The following BTG4 variants were observed in gnomAD, a reference collection of about 807,000 sequenced individuals.
BTG4 encodes the protein BTG anti-proliferation factor 4.
BTG4 carries 10 observed loss-of-function variants against 19.3 expected under a neutral mutation model. The observed-to-expected ratio is 0.52, with a 90% CI of 0.32 to 0.88. The LOEUF (loss-of-function observed/expected upper bound fraction) is 0.88. Among genes scored for constraint, BTG4 ranks in the 40% least tolerant of loss-of-function variants. The probability of loss-of-function intolerance (pLI) is 0.04; values close to 1 mark genes in which losing one functional copy is unlikely to be tolerated. For missense variants in BTG4, 238 were observed against 281.9 expected (o/e 0.84, Z 1.11); for synonymous variants, 91 against 95.7 (o/e 0.95, Z 0.29).
intron 3 of BTG4, 86 bp downstream of exon 3, chr11:111,497,912 G>C (rs936622224): frequency 3.5e-6 from 5 of 1,435,550 alleles, no homozygotes; most frequent in Non-Finnish European, 3.8e-6. Context: ...AAGGCTTTGG[G>C]GCATCATCTT....
chr11:111,435,189 C>T, the BTG4 span: 1 of 152,350 alleles, frequency 6.6e-6, no homozygotes, highest in Non-Finnish European at 1.5e-5. Context: ...AGTACACTAG[C>T]ACCAGCTGGA....
chr11:111,495,392 C>T, intron 4 of BTG4, 78 bp from the exon 5 acceptor site: 1 of 1,294,256 alleles, frequency 7.7e-7, no homozygotes, highest in Non-Finnish European at 1.1e-6. Flanking sequence ...AAAAGTCAGG[C>T]ACTTCAAAAG....
At chr11:111,437,263 C>T in the BTG4 span, among the ~76,000 whole-genome samples, 1 of 152,154 alleles carries the variant, frequency 6.6e-6, no homozygotes, top group Non-Finnish European at 1.5e-5. Context: ...CCAGAAGCTT[C>T]CTGCAAAACG....
chr11:111,412,232 T>C, the BTG4 span, among the ~76,000 whole-genome samples: 1 of 152,244 alleles, frequency 6.6e-6, no homozygotes, highest in Admixed American at 6.5e-5. Flanking sequence ...GGAGATGTTA[T>C]GGCCTATCAG....
chr11:111,487,027 CG>C (rs1298459770), intron 5 of BTG4, among the ~76,000 whole-genome samples: 1 of 152,002 alleles, frequency 6.6e-6, no homozygotes, highest in Non-Finnish European at 1.5e-5. Flanking sequence ...CCTGTGTCCA[CG>C]TGTTCTCATT....
chr11:111,437,988 A>C, the BTG4 span, among the ~76,000 whole-genome samples: 28 of 152,324 alleles, frequency 1.8e-4, no homozygotes, highest in Admixed American at 2.0e-4. Flanking sequence ...GGGAACTGAC[A>C]GCTATGACTC....
At chr11:111,423,886 GGCCT>G in the BTG4 span, among the ~76,000 whole-genome samples, 10 of 152,136 alleles carry the variant, frequency 6.6e-5, no homozygotes, top group Non-Finnish European at 1.2e-4. Context: ...AAATCTCCGA[GGCCT>G]GAGCTCCTTT....
At chr11:111,492,991 C>G (rs575686042), downstream of BTG4, among the ~76,000 whole-genome samples, 1 of 152,104 alleles carries the variant, frequency 6.6e-6, no homozygotes, top group East Asian at 1.9e-4. Context: ...ACTAAAAATA[C>G]AAAAATTACC....
downstream of BTG4, among the ~76,000 whole-genome samples, chr11:111,490,165 C>T (rs961087203): frequency 1.1e-4 from 16 of 150,870 alleles, no homozygotes; most frequent in East Asian, 1.4e-3. Context: ...ACGTGCTACT[C>T]GGGAGGCTGA....
the BTG4 span, among the ~76,000 whole-genome samples, chr11:111,456,077 C>T: frequency 2.0e-5 from 3 of 152,118 alleles, no homozygotes; most frequent in African/African-American, 4.8e-5. The surrounding 1 kb of genome is among the most constrained non-coding windows in gnomAD (Gnocchi z 4.2). Context: ...GAAGGAGCCT[C>T]GAAAGTGGGA....
chr11:111,409,511 A>G, the BTG4 span, among the ~76,000 whole-genome samples: 1 of 152,190 alleles, frequency 6.6e-6, no homozygotes, highest in Non-Finnish European at 1.5e-5. Context: ...CCATGTGCCC[A>G]CTTCCTCTTT....
At chr11:111,456,885 C>A in the BTG4 span, 1 of 183,450 alleles carries the variant, frequency 5.5e-6, no homozygotes, top group Non-Finnish European at 1.2e-5. The surrounding 1 kb of genome is among the most constrained non-coding windows in gnomAD (Gnocchi z 4.2). Context: ...GCTTGGTGAC[C>A]AGCAGAGTAG....
chr11:111,486,753 T>C (rs1338467993), intron 5 of BTG4, among the ~76,000 whole-genome samples: 1 of 152,192 alleles, frequency 6.6e-6, no homozygotes, highest in African/African-American at 2.4e-5. Context: ...CAAAAAATAA[T>C]GTGATATATC....
At chr11:111,401,704 C>T in the BTG4 span, among the ~76,000 whole-genome samples, 1 of 152,190 alleles carries the variant, frequency 6.6e-6, no homozygotes, top group Non-Finnish European at 1.5e-5. Context: ...AAGATTTGTG[C>T]ATCATAAACT....
At chr11:111,508,230 A>T (rs1866601883) in intron 1 of BTG4, among the ~76,000 whole-genome samples, 1 of 152,148 alleles carries the variant, frequency 6.6e-6, no homozygotes, top group South Asian at 2.1e-4. Flanking sequence ...GAAATTTACT[A>T]ATCTCCTAAA....
At chr11:111,454,327 G>A in the BTG4 span, 1 of 456,182 alleles carries the variant, frequency 2.2e-6, no homozygotes, top group Non-Finnish European at 4.4e-6. Context: ...CTCTGTCAGT[G>A]ACAGCCAAAC....
At chr11:111,432,041 A>G in the BTG4 span, among the ~76,000 whole-genome samples, 1 of 152,250 alleles carries the variant, frequency 6.6e-6, no homozygotes, top group Non-Finnish European at 1.5e-5. Flanking sequence ...CCAGCACATC[A>G]GTGCAAATCA....
the BTG4 span, chr11:111,385,595 T>A: frequency 1.4e-4 from 21 of 152,108 alleles, no homozygotes; most frequent in South Asian, 4.4e-3. Context: ...TTATAATATG[T>A]AAGATTTATC....
chr11:111,403,774 A>G, the BTG4 span, among the ~76,000 whole-genome samples: 1 of 152,224 alleles, frequency 6.6e-6, no homozygotes, highest in African/African-American at 2.4e-5. Context: ...TTAGATGATG[A>G]TGGTGATGAC....
Sources: gnomAD v4.1 joint callset for allele counts (sites outside exome capture counted in the v4.1 genomes callset) on GRCh38, gnomAD v4.1.1 for gene constraint, Gnocchi (gnomAD v3.1) non-coding constraint, MANE v1.5 for transcripts, NCBI Gene and HGNC (gene_info 2026-07-23, HGNC 2026-07-21) for gene names.